Variants in SHTN1 observed in about 807,000 individuals in gnomAD.
SHTN1 encodes the protein shootin 1, also known as shootin-1.
SHTN1 carries 42 observed loss-of-function variants against 83.1 expected under a neutral mutation model. That is an observed-to-expected ratio of 0.51 (90% CI 0.39 to 0.65). SHTN1 has a LOEUF of 0.65. Among genes scored for constraint, SHTN1 ranks in the 30% least tolerant of loss-of-function variants. The probability of loss-of-function intolerance (pLI) is 0.00; values close to 1 mark genes in which losing one functional copy is unlikely to be tolerated. For synonymous variants in SHTN1, 224 were observed against 247.7 expected (o/e 0.90, Z 0.90); for missense variants, 622 against 737.8 (o/e 0.84, Z 1.82).
chr10:117,051,655 G>A (rs1321318886), intron 1 of SHTN1, among the ~76,000 whole-genome samples: 1 of 150,548 alleles, frequency 6.6e-6, no homozygotes, highest in African/African-American at 2.4e-5. Context: ...GAATAGAGAG[G>A]AGGAACCATA....
At chr10:116,895,073 A>C (rs1847469502) in intron 16 of SHTN1, among the ~76,000 whole-genome samples, 2 of 151,770 alleles carry the variant, frequency 1.3e-5, no homozygotes, top group Non-Finnish European at 3.0e-5. Context: ...AAAGGCATAG[A>C]ATAAAGTGGA....
chr10:116,916,635 T>C (rs1848393296), intron 12 of SHTN1, among the ~76,000 whole-genome samples: 1 of 152,216 alleles, frequency 6.6e-6, no homozygotes, highest in Non-Finnish European at 1.5e-5. Flanking sequence ...GTATTAGGCT[T>C]TGCAATAAGG....
chr10:117,081,086 T>C (rs1853254430), intron 1 of SHTN1, among the ~76,000 whole-genome samples: 1 of 151,362 alleles, frequency 6.6e-6, no homozygotes, highest in South Asian at 2.1e-4. Flanking sequence ...ATAGGAGTGG[T>C]GAGAGAGGGC....
chr10:116,972,763 C>T (rs1341403723), intron 2 of SHTN1, among the ~76,000 whole-genome samples: 3 of 152,206 alleles, frequency 2.0e-5, no homozygotes, highest in Non-Finnish European at 2.9e-5. Context: ...TTCTCTGTAG[C>T]TCAAGGCTGA....
At chr10:117,120,464 G>A (rs1366527287) in intron 1 of SHTN1, among the ~76,000 whole-genome samples, 3 of 151,982 alleles carry the variant, frequency 2.0e-5, no homozygotes, top group Admixed American at 6.6e-5. Flanking sequence ...TGGCCAGGCC[G>A]GTCTCAAACT....
intron 9 of SHTN1, among the ~76,000 whole-genome samples, chr10:116,937,324 GC>G (rs1849210573): frequency 6.6e-6 from 1 of 152,080 alleles, no homozygotes. Flanking sequence ...CATGTTTAGT[GC>G]TTCCTTCAGG....
chr10:116,953,464 T>TA (rs1849846337), intron 5 of SHTN1, among the ~76,000 whole-genome samples: 1 of 152,106 alleles, frequency 6.6e-6, no homozygotes, highest in Non-Finnish European at 1.5e-5. Flanking sequence ...GCACAATTGT[T>TA]ATATACCCTA....
In SHTN1 at chr10:116,948,917, T is replaced by C; in HGVS notation, c.615A>G (p.Arg205=). The C allele has an allele frequency of 6.4e-7, 1 of 1,563,954 alleles. No individual in the cohort carries two copies. The highest frequency in any genetic ancestry group is 8.6e-7 in the Non-Finnish European group (1 of 1,156,504). ...GAAAAAAAGACTGGACAGACTTACC[T>C]CTATTGCATTTTTCTAAGACTTTTC... ...EQRKVLEKCN[R]VSMLAVEEYE... Residue 205 remains arginine, a splice_region_variant and synonymous_variant, in exon 7 of 17, where the codon AGA becomes AGG. Transcript: ENST00000355371.
intron 1 of SHTN1, among the ~76,000 whole-genome samples, chr10:117,110,711 C>G (rs1330387455): frequency 6.6e-6 from 1 of 152,122 alleles, no homozygotes; most frequent in African/African-American, 2.4e-5. Flanking sequence ...ATGGGAAAAG[C>G]TGCAGCGAGG....
At chr10:116,922,638 T>A (rs1248904510) in intron 11 of SHTN1, among the ~76,000 whole-genome samples, 1 of 152,140 alleles carries the variant, frequency 6.6e-6, no homozygotes, top group African/African-American at 2.4e-5. Flanking sequence ...ATGAATAGAC[T>A]TAAGCTACAC....
Position 116,937,099 on chromosome 10 carries a change from T to A in SHTN1, c.858+3367A>T, listed in dbSNP as rs983694356. The stretch of plus-strand genomic sequence containing the variant: ...CTCCTGAATACAGCACACCGATGGG[T>A]CTTGACTCTTTATCCAATTTGCCAG... On this transcript the variant is annotated intron_variant, in intron 9 of 16. Coordinates refer to ENST00000355371, the MANE Select transcript of SHTN1 (RefSeq NM_001127211.3). 5.3e-5 allele frequency among the ~76,000 whole-genome samples: 8 copies of A among 152,084 alleles called. No individual in the cohort carries two copies. The South Asian group carries it at 6.2e-4, about 12-fold the overall frequency.
intron 1 of SHTN1, among the ~76,000 whole-genome samples, chr10:117,112,371 T>C (rs1285483432): frequency 1.3e-5 from 2 of 152,158 alleles, no homozygotes; most frequent in East Asian, 3.9e-4. Flanking sequence ...CATCTTTTCC[T>C]ACACAAAGGT....
At chr10:116,982,748 C>G (rs981474927) in intron 1 of SHTN1, among the ~76,000 whole-genome samples, 2 of 152,062 alleles carry the variant, frequency 1.3e-5, no homozygotes, top group African/African-American at 4.8e-5. Context: ...CACTTGAGGT[C>G]AAGAGTTCAA....
At chr10:117,078,694 A>T (rs561457418) in intron 1 of SHTN1, among the ~76,000 whole-genome samples, 19 of 152,234 alleles carry the variant, frequency 1.2e-4, no homozygotes, top group Non-Finnish European at 2.5e-4. Flanking sequence ...CAGGAGGAAA[A>T]TCCTCCCAGT....
At chr10:117,033,952 A>G (rs1852457613) in intron 2 of SHTN1, among the ~76,000 whole-genome samples, 1 of 152,206 alleles carries the variant, frequency 6.6e-6, no homozygotes, top group African/African-American at 2.4e-5. Flanking sequence ...TTGATGCTGA[A>G]AAAGCATTTG....
At chr10:117,110,345 GTTTTGT>G (rs1002705640) in intron 1 of SHTN1, among the ~76,000 whole-genome samples, 12 of 151,994 alleles carry the variant, frequency 7.9e-5, no homozygotes, top group South Asian at 2.1e-4. Context: ...GTTTTGTTTT[GTTTTGT>G]TTTTGTTTTT....
At chr10:117,013,059 G>A (rs1485961406) in intron 2 of SHTN1, among the ~76,000 whole-genome samples, 2 of 151,786 alleles carry the variant, frequency 1.3e-5, no homozygotes, top group African/African-American at 4.8e-5. Context: ...AACAGAACAA[G>A]ACCCCATCTC....
chr10:116,985,401 C>G lies in SHTN1; in HGVS notation c.59-6093G>C, dbSNP rs556642695. ...GAGTCATTCATCCAAAAAGACATTA[C>G]TGAGCATTACTGTGTGCAATGCACT... On this transcript the variant is annotated intron_variant, in intron 1 of 16. Coordinates refer to ENST00000355371, the MANE Select transcript of SHTN1 (RefSeq NM_001127211.3). Among the ~76,000 whole-genome samples the G allele has an allele frequency of 2.0e-5, 3 of 152,326 alleles. No individual in the cohort carries two copies. In the South Asian group the frequency reaches 6.2e-4, roughly 32 times the overall value.
chr10:117,037,902 G>A (rs61873015), intron 2 of SHTN1, among the ~76,000 whole-genome samples: 1 of 200 alleles, frequency 5.0e-3, no homozygotes, highest in African/African-American at 0.05. Flanking sequence ...GGTACTTGGG[G>A]AGGTGAGGCA....
Sources: gnomAD v4.1 joint callset for allele counts (sites outside exome capture counted in the v4.1 genomes callset) on GRCh38, gnomAD v4.1.1 for gene constraint, MANE v1.5 for transcripts, NCBI Gene and HGNC (gene_info 2026-07-23, HGNC 2026-07-21) for gene names.